The following ZNF420 variants were observed in gnomAD, a reference collection of about 807,000 sequenced individuals.
ZNF420 encodes the protein zinc finger protein 420.
A neutral mutation model predicts 44.7 loss-of-function variants in ZNF420; 31 were observed. The observed-to-expected ratio is 0.69, with a 90% CI of 0.52 to 0.94. The LOEUF is 0.94. ZNF420 is among the 40% of genes least tolerant of loss of function. The probability of loss-of-function intolerance (pLI) is 0.00; values close to 1 mark genes in which losing one functional copy is unlikely to be tolerated. For missense variants in ZNF420, 681 were observed against 827.9 expected (o/e 0.82, Z 2.18); for synonymous variants, 245 against 267.4 (o/e 0.92, Z 0.82).
At chr19:37,071,381 A>T (rs1968054947) in intron 1 of ZNF420, among the ~76,000 whole-genome samples, 1 of 152,252 alleles carries the variant, frequency 6.6e-6, no homozygotes, top group South Asian at 2.1e-4. Context: ...TTTTGGAGTA[A>T]GTAGCTGAAA....
chr19:37,129,195 G>A lies in ZNF420; in HGVS notation c.*137G>A, dbSNP rs963321835. On this transcript the variant is annotated 3_prime_UTR_variant, in exon 5 of 5. Coordinates refer to ENST00000337995, the MANE Select transcript of ZNF420 (RefSeq NM_144689.5). ...ATAATTTATGTGAGAGAAAATGGTA[G>A]TGTCATTCATATAGAAAAACATCAT... 7 of 1,090,928 alleles carry A rather than the reference G, an allele frequency of 6.4e-6. No homozygotes were observed. The highest frequency in any genetic ancestry group is 4.9e-5 in the South Asian group (3 of 61,324). 67.6% of individuals were successfully genotyped at this position (1,090,928 alleles called of 1,614,324 possible). A position where few individuals can be genotyped will look rare whatever the true frequency, so the allele number is the denominator to read the frequency against.
chr19:37,036,988 T>C (rs1457315515), intron 1 of ZNF420, among the ~76,000 whole-genome samples: 5 of 152,224 alleles, frequency 3.3e-5, no homozygotes, highest in African/African-American at 4.8e-5. Context: ...GAGCCAATCC[T>C]CAGCCCCAGG....
chr19:37,052,535 G>A (rs927834759), intron 1 of ZNF420, among the ~76,000 whole-genome samples: 1 of 152,110 alleles, frequency 6.6e-6, no homozygotes, highest in African/African-American at 2.4e-5. Context: ...CTTCCTTCAC[G>A]AGCTCTTTTA....
chr19:37,021,350 T>G (rs2562591), intron 1 of ZNF420, among the ~76,000 whole-genome samples: 2 of 151,958 alleles, frequency 1.3e-5, no homozygotes, highest in African/African-American at 4.8e-5. Context: ...TCACCGCAAC[T>G]TCTGCCTCCT....
rs574553474 is a variant in ZNF420 at position 37,089,036 on chromosome 19, T to C, written c.-80-3T>C. 3.2e-6 allele frequency: 4 copies of C among 1,244,704 alleles called. No individual in the cohort carries two copies. The highest frequency in any genetic ancestry group is 1.9e-4 in the Middle Eastern group (1 of 5,392). 77.1% of individuals were successfully genotyped at this position (1,244,704 alleles called of 1,614,324 possible). A position where few individuals can be genotyped will look rare whatever the true frequency, so the allele number is the denominator to read the frequency against. Reference sequence around the variant, plus strand: ...TCTCATGGTTCTGCTTTCTCCTCCGTAGCTCTGCATTCTCCAGACTCTGTG... The same window carrying C: ...TCTCATGGTTCTGCTTTCTCCTCCGCAGCTCTGCATTCTCCAGACTCTGTG... On this transcript the variant is annotated splice_region_variant and splice_polypyrimidine_tract_variant and intron_variant, in intron 2 of 4. Coordinates refer to ENST00000337995, the MANE Select transcript of ZNF420 (RefSeq NM_144689.5).
At chr19:37,117,352 G>A (rs1970754078) in intron 4 of ZNF420, among the ~76,000 whole-genome samples, 1 of 152,234 alleles carries the variant, frequency 6.6e-6, no homozygotes. Context: ...CTGATACCCA[G>A]GCAAACAGGG....
At chr19:37,014,882 C>G (rs971386141) in intron 1 of ZNF420, among the ~76,000 whole-genome samples, 1 of 152,152 alleles carries the variant, frequency 6.6e-6, no homozygotes, top group African/African-American at 2.4e-5. Context: ...CCGAACTAGG[C>G]TGAAGAAACG....
intron 1 of ZNF420, among the ~76,000 whole-genome samples, chr19:37,066,436 A>G (rs1344899745): frequency 6.6e-6 from 1 of 150,744 alleles, no homozygotes; most frequent in Non-Finnish European, 1.5e-5. Context: ...GTCTGTCTCA[A>G]AAAAAAAAAG....
intron 4 of ZNF420, among the ~76,000 whole-genome samples, chr19:37,103,706 A>G (rs192831572): frequency 5.3e-5 from 8 of 152,084 alleles, no homozygotes; most frequent in African/African-American, 1.9e-4. Flanking sequence ...TGTATACTGA[A>G]TTCCATTCCT....
At chr19:37,125,577 A>G (rs1408670765) in intron 4 of ZNF420, among the ~76,000 whole-genome samples, 1 of 152,164 alleles carries the variant, frequency 6.6e-6, no homozygotes, top group Non-Finnish European at 1.5e-5. Context: ...GTGGGTGGAT[A>G]CATGATTTGT....
intron 4 of ZNF420, among the ~76,000 whole-genome samples, chr19:37,102,680 C>T (rs34713954): frequency 1.3e-5 from 2 of 152,168 alleles, no homozygotes; most frequent in Non-Finnish European, 2.9e-5. Context: ...AACCTCCTAC[C>T]TGAATTCCAA....
chr19:37,034,904 C>T (rs1967325061), intron 1 of ZNF420, among the ~76,000 whole-genome samples: 1 of 152,144 alleles, frequency 6.6e-6, no homozygotes, highest in South Asian at 2.1e-4. Context: ...ATTAGGAAAG[C>T]CTTGTTCAGA....
At chr19:37,019,445 G>A (rs917034037) in intron 1 of ZNF420, among the ~76,000 whole-genome samples, 5 of 152,142 alleles carry the variant, frequency 3.3e-5, no homozygotes, top group Non-Finnish European at 5.9e-5. Context: ...AAAAGGTACA[G>A]CCACTGTGAA....
chr19:37,015,816 C>T (rs1303868476), intron 1 of ZNF420, among the ~76,000 whole-genome samples: 2 of 152,186 alleles, frequency 1.3e-5, no homozygotes, highest in African/African-American at 4.8e-5. Context: ...CCTTTCTGGC[C>T]AGCTTCCAGG....
At chr19:37,020,094 G>A (rs2146381419) in intron 1 of ZNF420, among the ~76,000 whole-genome samples, 1 of 151,948 alleles carries the variant, frequency 6.6e-6, no homozygotes, top group East Asian at 2.0e-4. Flanking sequence ...GCGGGCGCCT[G>A]TAGTCCCAGC....
intron 1 of ZNF420, 74 bp downstream of exon 1, chr19:37,078,644 T>C (rs1187717269): frequency 3.9e-5 from 6 of 152,342 alleles, no homozygotes; most frequent in African/African-American, 1.2e-4. Flanking sequence ...TGGCCGTGTC[T>C]CCGGTTTTGT....
At chr19:37,123,712 C>T (rs111497177) in intron 4 of ZNF420, among the ~76,000 whole-genome samples, 2 of 139,834 alleles carry the variant, frequency 1.4e-5, no homozygotes, top group African/African-American at 2.7e-5. Context: ...AAGTGATTCT[C>T]CTGCCTCAGC....
intron 1 of ZNF420, among the ~76,000 whole-genome samples, chr19:37,045,913 A>G (rs1424410639): frequency 6.6e-6 from 1 of 152,210 alleles, no homozygotes; most frequent in Non-Finnish European, 1.5e-5. Context: ...TTGTACATAA[A>G]AGATGTTGAT....
intron 2 of ZNF420, among the ~76,000 whole-genome samples, chr19:37,088,174 T>A (rs1405689804): frequency 2.0e-5 from 3 of 152,234 alleles, no homozygotes; most frequent in South Asian, 2.1e-4. Flanking sequence ...AGACAGTAGT[T>A]TGCCAAGTTA....
Sources: allele counts gnomAD v4.1 joint callset (sites outside exome capture counted in the v4.1 genomes callset), GRCh38; gene constraint gnomAD v4.1.1; transcripts MANE v1.5; gene names NCBI Gene and HGNC (gene_info 2026-07-23, HGNC 2026-07-21).